The following BRWD1 variants were observed in gnomAD, a reference collection of about 807,000 sequenced individuals.
The protein encoded by BRWD1 is bromodomain and WD repeat-containing protein 1.
In BRWD1, 82 loss-of-function variants were observed where a neutral mutation model predicts 251.2. The observed-to-expected ratio is 0.33, with a 90% CI of 0.27 to 0.39. BRWD1 has a LOEUF of 0.39. Ranked by LOEUF, BRWD1 falls within the 10% of genes least tolerant of loss-of-function variation. BRWD1 has a pLI of 1.00. For synonymous variants in BRWD1, 918 were observed against 902.8 expected, an observed-to-expected ratio of 1.02 and a Z score of -0.30; for missense variants, 2,233 against 2,711.6, an observed-to-expected ratio of 0.82 and a Z score of 3.92.
chr21:39,293,690 C>T (rs980748164), intron 8 of BRWD1, 121 bp downstream of exon 8: 13 of 729,408 alleles, frequency 1.8e-5, no homozygotes, highest in African/African-American at 1.8e-4. Flanking sequence ...GAATGATTAT[C>T]ACTTCTCTTA....
At chr21:39,237,241 C>G (rs2033842835) in intron 22 of BRWD1, among the ~76,000 whole-genome samples, 4 of 152,092 alleles carry the variant, frequency 2.6e-5, no homozygotes, top group Non-Finnish European at 5.9e-5. Flanking sequence ...CACTGAGAAG[C>G]CCAAGGGAAG....
chr21:39,205,977 G>A, intron 37 of BRWD1, 131 bp downstream of exon 37: 1 of 835,558 alleles, frequency 1.2e-6, no homozygotes, highest in Non-Finnish European at 1.8e-6. Flanking sequence ...CTACTTGGGA[G>A]GCTGAGGCAG....
chr21:39,240,992 G>A (rs1036228959), intron 21 of BRWD1, among the ~76,000 whole-genome samples: 5 of 151,272 alleles, frequency 3.3e-5, no homozygotes, highest in African/African-American at 7.3e-5. Context: ...CCTCCACTTC[G>A]TGGGTTCAAA....
chr21:39,187,101 T>C lies in BRWD1; in HGVS notation c.*9158A>G. The stretch of plus-strand genomic sequence containing the variant: ...TTCTATTAATATCTTCTAGCTCTTT[T>C]TCACTTTCAGAATTTATGGTTGTAT... On this transcript the variant is annotated 3_prime_UTR_variant, in exon 41 of 41. Transcript: ENST00000342449. 1 of 1,605,630 alleles carries C rather than the reference T, an allele frequency of 6.2e-7. No homozygotes were observed.
rs141072339 is a variant in BRWD1 at position 39,293,993 on chromosome 21, T to C, written c.649A>G (p.Asn217Asp). 11 of 1,614,226 alleles carry C rather than the reference T, an allele frequency of 6.8e-6. No homozygotes were observed. Among genetic ancestry groups the C allele is most frequent in the Non-Finnish European group, 9.3e-6 (11 of 1,180,038 alleles). ...DCLVKIWSTH[N>D]GRLLSTLRGH... ...CTTAATGTAGATAACAAGCGGCCAT[T>C]ATGTGTTGACCAAATCTTTACCAAA... is the stretch of plus-strand genomic sequence containing the variant. The change falls in exon 8 of 41, where the codon AAT becomes GAT. Residue 217 changes from asparagine to aspartate, a missense_variant. Asn to Asp is a conservative substitution (Grantham distance 23, BLOSUM62 1). Around this residue, in one of 12 missense-constraint regions of BRWD1, gnomAD observed 185 missense variants for 260.6 expected, o/e 0.71. Coordinates refer to ENST00000342449, the MANE Select transcript of BRWD1 (RefSeq NM_033656.4).
intron 8 of BRWD1, among the ~76,000 whole-genome samples, chr21:39,283,860 C>CT (rs960714100): frequency 4.6e-5 from 7 of 151,502 alleles, no homozygotes; most frequent in Middle Eastern, 3.4e-3. Flanking sequence ...AATAGTCTTG[C>CT]TTTTTTTTTC....
chr21:39,252,924 C>G (rs552282108), intron 19 of BRWD1, among the ~76,000 whole-genome samples: 2 of 152,166 alleles, frequency 1.3e-5, no homozygotes, highest in Non-Finnish European at 2.9e-5. Context: ...TAAATTTCAA[C>G]CTACATCACA....
chr21:39,295,175 GTTTTTTTTT>G (rs869129436), intron 7 of BRWD1, among the ~76,000 whole-genome samples: 9 of 64,730 alleles, frequency 1.4e-4, no homozygotes, highest in African/African-American at 3.6e-4. Flanking sequence ...GTATGTCTAT[GTTTTTTTTT>G]TTTTTTTTTT....
chr21:39,213,089 C>T (rs1485502452), intron 33 of BRWD1, among the ~76,000 whole-genome samples: 2 of 152,122 alleles, frequency 1.3e-5, no homozygotes, highest in Non-Finnish European at 2.9e-5. Flanking sequence ...CTACCACCCC[C>T]ATCTAACTTT....
chr21:39,191,064 T>C lies in BRWD1; in HGVS notation c.*5195A>G. On this transcript the variant is annotated 3_prime_UTR_variant, in exon 41 of 41. Coordinates refer to ENST00000342449, the MANE Select transcript of BRWD1 (RefSeq NM_033656.4). The stretch of plus-strand genomic sequence containing the variant: ...AAATATGAATTCAGGGACTTTATAC[T>C]TAACTGCTTAATTTGCTTTTTAGAA... 1 of 985,302 alleles carries C rather than the reference T, an allele frequency of 1.0e-6. No homozygotes were observed. Among genetic ancestry groups the C allele is most frequent in the South Asian group, 4.7e-5 (1 of 21,286 alleles). The allele number at this position is 985,302 out of a possible 1,614,324, so 61.0% of individuals were successfully genotyped here. A position where few individuals can be genotyped will look rare whatever the true frequency, so the allele number is the denominator to read the frequency against.
In BRWD1 at chr21:39,206,142, A is replaced by T. The variant is rs146657926; in HGVS notation, c.4330T>A (p.Cys1444Ser). ...RSQRFKQRQNCKGDSQPNKSI... is the reference protein window; with the variant it reads ...RSQRFKQRQNSKGDSQPNKSI... ...TTGTTAGGCTGACTGTCACCTTTACAATTTTGCCGTTGCTTGAACCTCTGG... is the reference window on the plus strand; with the variant it reads ...TTGTTAGGCTGACTGTCACCTTTACTATTTTGCCGTTGCTTGAACCTCTGG... The change falls in exon 37 of 41, where the codon TGT (cysteine) becomes AGT (serine). Residue 1444 changes from cysteine (C) to serine (S), a missense_variant. Cys to Ser is a moderately radical substitution (Grantham distance 112). Transcript: ENST00000342449. The T allele has an allele frequency of 3.7e-6, 6 of 1,613,066 alleles. No individual in the cohort carries two copies. Among genetic ancestry groups the T allele is most frequent in the Non-Finnish European group, 5.1e-6 (6 of 1,179,730 alleles).
chr21:39,252,438 G>A (rs2034426894), intron 19 of BRWD1, among the ~76,000 whole-genome samples: 1 of 151,854 alleles, frequency 6.6e-6, no homozygotes, highest in Admixed American at 6.6e-5. Context: ...TTTCACATTG[G>A]ACACAAACTT....
intron 4 of BRWD1, among the ~76,000 whole-genome samples, chr21:39,303,978 T>A (rs1293669019): frequency 6.6e-6 from 1 of 151,172 alleles, no homozygotes; most frequent in Non-Finnish European, 1.5e-5. Flanking sequence ...CCTGTTTCTA[T>A]TAAAAATACA....
rs114928960 is a variant in BRWD1 at position 39,212,520 on chromosome 21, T to C, written c.3900+146A>G. 3,139 of 644,668 alleles carry C rather than the reference T, an allele frequency of 4.9e-3. 78 individuals carry two copies. In the African/African-American group the frequency reaches 0.053, roughly 11 times the overall value. 39.9% of individuals were successfully genotyped at this position (644,668 alleles called of 1,614,324 possible). ...TACAAATTCCAACTCTCCCACTAAA[T>C]CTTTCCAGTAATTTCTCCCATTTTG... On this transcript the variant is annotated intron_variant, in intron 34 of 40. Transcript: ENST00000342449.
chr21:39,247,300 C>T (rs554463770), intron 21 of BRWD1, among the ~76,000 whole-genome samples: 8 of 152,288 alleles, frequency 5.3e-5, no homozygotes, highest in African/African-American at 1.7e-4. Context: ...ACCCCTTATC[C>T]AGAACGCTGG....
intron 4 of BRWD1, among the ~76,000 whole-genome samples, chr21:39,303,737 G>A (rs960761525): frequency 3.3e-5 from 5 of 150,094 alleles, no homozygotes; most frequent in Non-Finnish European, 3.0e-5. Context: ...GTTGGAAGAC[G>A]GCTTGAGCCC....
chr21:39,312,738 G>T, intron 4 of BRWD1, 103 bp downstream of exon 4: 2 of 863,184 alleles, frequency 2.3e-6, no homozygotes, highest in Non-Finnish European at 3.5e-6. Context: ...CCCAGTGCGG[G>T]TCACACTTTG....
Position 39,189,598 on chromosome 21 carries a change from G to T in BRWD1, c.*6661C>A. ...CACTGTACTCTAACTTGATAAAGCT[G>T]AATCTCTTAAGTCTTAGACAATAAA... On this transcript the variant is annotated 3_prime_UTR_variant, in exon 41 of 41. Transcript: ENST00000342449. 1.0e-6 allele frequency: 1 copy of T among 983,152 alleles called. No individual in the cohort carries two copies. Among genetic ancestry groups the T allele is most frequent in the African/African-American group, 1.7e-5 (1 of 57,288 alleles). The allele number at this position is 983,152 out of a possible 1,614,324, so 60.9% of individuals were successfully genotyped here. A position where few individuals can be genotyped will look rare whatever the true frequency, so the allele number is the denominator to read the frequency against.
chr21:39,193,826 A>C lies in BRWD1; in HGVS notation c.*2433T>G, dbSNP rs2031677383. On this transcript the variant is annotated 3_prime_UTR_variant, in exon 41 of 41. Transcript: ENST00000342449. The stretch of plus-strand genomic sequence containing the variant: ...CCAAACATGTTCTAGTGCTCAATGT[A>C]AACATTTTAACTATTAATGATTTAT... The C allele has an allele frequency of 3.0e-6, 3 of 985,430 alleles. No individual in the cohort carries two copies. The highest frequency in any genetic ancestry group is 3.6e-6 in the Non-Finnish European group (3 of 829,576). 61.0% of individuals were successfully genotyped at this position (985,430 alleles called of 1,614,324 possible).
Sources: allele counts gnomAD v4.1 joint callset (sites outside exome capture counted in the v4.1 genomes callset), GRCh38; gene constraint gnomAD v4.1.1; regional missense constraint gnomAD v4.1.1; transcripts MANE v1.5; gene names NCBI Gene and HGNC (gene_info 2026-07-23, HGNC 2026-07-21).